EDIL3: variants seen among roughly 807,000 people sequenced by gnomAD.
EDIL3 encodes EGF-like repeat and discoidin I-like domain-containing protein 3.
EDIL3 carries 37 observed loss-of-function variants against 67.4 expected under a neutral mutation model. The observed-to-expected ratio is 0.55, with a 90% CI of 0.42 to 0.72. EDIL3 has a LOEUF of 0.72. Ranked by LOEUF, EDIL3 falls within the 30% of genes least tolerant of loss-of-function variation. The pLI, the probability that EDIL3 is intolerant of heterozygous loss-of-function variation, is 0.00. For synonymous variants in EDIL3, 195 were observed against 196.3 expected (o/e 0.99, Z 0.05); for missense variants, 527 against 586.3 (o/e 0.90, Z 1.04).
intron 10 of EDIL3, among the ~76,000 whole-genome samples, chr5:83,962,026 C>T (rs1744614199): frequency 1.3e-5 from 2 of 151,252 alleles, no homozygotes; most frequent in Non-Finnish European, 3.0e-5. Context: ...TGTGGCTTTT[C>T]AAATCTAAAG....
chr5:84,153,184 G>A (rs1328702682), intron 4 of EDIL3, among the ~76,000 whole-genome samples: 1 of 152,058 alleles, frequency 6.6e-6, no homozygotes, highest in Non-Finnish European at 1.5e-5. Flanking sequence ...ATAGAATTTT[G>A]TTAAATAATG....
At chr5:84,228,364 CAG>C (rs1411914318) in intron 3 of EDIL3, among the ~76,000 whole-genome samples, 4 of 152,078 alleles carry the variant, frequency 2.6e-5, no homozygotes, top group South Asian at 4.1e-4. Flanking sequence ...GACATACAGA[CAG>C]AGTCTTTGGG....
At chr5:84,304,527 C>G (rs942935405) in intron 1 of EDIL3, among the ~76,000 whole-genome samples, 1 of 152,142 alleles carries the variant, frequency 6.6e-6, no homozygotes, top group Non-Finnish European at 1.5e-5. Context: ...GAAGTTGACA[C>G]AAGAATTCTA....
intron 4 of EDIL3, among the ~76,000 whole-genome samples, chr5:84,179,726 C>T (rs1748982667): frequency 6.6e-6 from 1 of 152,158 alleles, no homozygotes; most frequent in South Asian, 2.1e-4. Context: ...GAGAATCTCC[C>T]TGACAGCTTA....
At chr5:84,222,001 C>T (rs1449244943) in intron 3 of EDIL3, among the ~76,000 whole-genome samples, 1 of 151,808 alleles carries the variant, frequency 6.6e-6, no homozygotes, top group Non-Finnish European at 1.5e-5. Flanking sequence ...CATTTATTTT[C>T]AAAATGCGTG....
At chr5:84,235,676 T>C (rs1167938327) in intron 2 of EDIL3, among the ~76,000 whole-genome samples, 1 of 152,072 alleles carries the variant, frequency 6.6e-6, no homozygotes, top group East Asian at 1.9e-4. Flanking sequence ...AAATGTTTAA[T>C]ACAGTCATTT....
chr5:84,079,587 G>T (rs1258310840), intron 6 of EDIL3, among the ~76,000 whole-genome samples: 1 of 151,844 alleles, frequency 6.6e-6, no homozygotes, highest in African/African-American at 2.4e-5. Context: ...TTTTCAACTG[G>T]TCACAGTGAA....
At chr5:84,193,901 C>G (rs1743643484) in intron 3 of EDIL3, among the ~76,000 whole-genome samples, 1 of 151,936 alleles carries the variant, frequency 6.6e-6, no homozygotes, top group Admixed American at 6.6e-5. Context: ...ATTGAATATA[C>G]TGGCAAAGTG....
At chr5:84,319,644 T>C (rs1746592662) in intron 1 of EDIL3, among the ~76,000 whole-genome samples, 1 of 152,122 alleles carries the variant, frequency 6.6e-6, no homozygotes, top group South Asian at 2.1e-4. Context: ...AGCAATCCCA[T>C]TATTTAGTAT....
intron 1 of EDIL3, among the ~76,000 whole-genome samples, chr5:84,365,705 T>A (rs1425494708): frequency 6.6e-6 from 1 of 152,204 alleles, no homozygotes. Flanking sequence ...TCAGTGAATT[T>A]TTCAGAACAT....
intron 4 of EDIL3, among the ~76,000 whole-genome samples, chr5:84,175,509 G>C (rs941641476): frequency 6.6e-6 from 1 of 152,130 alleles, no homozygotes; most frequent in African/African-American, 2.4e-5. Flanking sequence ...ACACACATCT[G>C]TTTAGAGAAG....
At chr5:84,038,325 T>C (rs1746060679) in intron 9 of EDIL3, among the ~76,000 whole-genome samples, 1 of 152,164 alleles carries the variant, frequency 6.6e-6, no homozygotes. Context: ...CTACTTCTAT[T>C]TCCCACAAAG....
chr5:84,000,687 G>A (rs759413411), intron 9 of EDIL3, among the ~76,000 whole-genome samples: 1 of 151,818 alleles, frequency 6.6e-6, no homozygotes, highest in Non-Finnish European at 1.5e-5. Context: ...AAAATCCAAG[G>A]TGACAGTATT....
intron 1 of EDIL3, among the ~76,000 whole-genome samples, chr5:84,383,453 T>A (rs183295398): frequency 1.3e-5 from 2 of 152,390 alleles, no homozygotes; most frequent in East Asian, 1.9e-4. Context: ...AAATGCTTTT[T>A]TCTTTTTAAT....
chr5:84,209,466 T>G (rs1744069056), intron 3 of EDIL3, among the ~76,000 whole-genome samples: 1 of 152,114 alleles, frequency 6.6e-6, no homozygotes, highest in African/African-American at 2.4e-5. Flanking sequence ...AAAGAATGAA[T>G]AAATGTATAC....
intron 10 of EDIL3, among the ~76,000 whole-genome samples, chr5:83,951,576 A>G (rs1452490860): frequency 1.3e-5 from 2 of 151,426 alleles, no homozygotes; most frequent in Non-Finnish European, 3.0e-5. Context: ...TTTTTTCCCT[A>G]CCCTGGCAAT....
chr5:84,317,788 A>G (rs533008450), intron 1 of EDIL3, among the ~76,000 whole-genome samples: 83 of 152,326 alleles, frequency 5.4e-4, no homozygotes, highest in African/African-American at 1.9e-3. Flanking sequence ...CTCCTATTCA[A>G]CATAGTTTTG....
rs562111772 is a variant in EDIL3, at chr5:84,213,294, A to C, written c.226+16561T>G. Among the ~76,000 whole-genome samples the C allele has an allele frequency of 2.6e-5, 4 of 152,284 alleles. No individual in the cohort carries two copies. In the East Asian group the frequency reaches 5.8e-4, roughly 22 times the overall value. On this transcript the variant is annotated intron_variant, in intron 3 of 10. Transcript: ENST00000296591. ...TGCTAAAATGTTTCTGGAAAAAAAA[A>C]TCCCTAACCATTCTGTTTCTAATTT... is the stretch of plus-strand genomic sequence containing the variant.
chr5:84,190,536 C>CATAT (rs3836849), intron 3 of EDIL3, among the ~76,000 whole-genome samples: 3 of 134,936 alleles, frequency 2.2e-5, no homozygotes, highest in Non-Finnish European at 3.1e-5. Context: ...AGTATTTCTA[C>CATAT]ATATATATAT....
Sources: allele counts gnomAD v4.1 joint callset (sites outside exome capture counted in the v4.1 genomes callset), GRCh38; gene constraint gnomAD v4.1.1; transcripts MANE v1.5; gene names NCBI Gene and HGNC (gene_info 2026-07-23, HGNC 2026-07-21).